The following PRKG1 variants were observed in gnomAD, a reference collection of about 807,000 sequenced individuals.
PRKG1 encodes protein kinase cGMP-dependent 1.
In PRKG1, 35 loss-of-function variants were observed where a neutral mutation model predicts 88.1. That is an observed-to-expected ratio of 0.40 (90% CI 0.30 to 0.53). The LOEUF (loss-of-function observed/expected upper bound fraction) is 0.53. PRKG1 is among the 20% of genes least tolerant of loss of function. PRKG1 has a pLI of 0.59. For synonymous variants in PRKG1, 303 were observed against 292.5 expected, an observed-to-expected ratio of 1.04 and a Z score of -0.37; for missense variants, 540 against 839.8, an observed-to-expected ratio of 0.64 and a Z score of 4.41.
intron 5 of PRKG1, among the ~76,000 whole-genome samples, chr10:52,001,482 C>CT (rs1214035610): frequency 6.6e-6 from 1 of 151,718 alleles, no homozygotes; most frequent in African/African-American, 2.4e-5. Flanking sequence ...ACATATACAA[C>CT]TTTTTTTGTC....
intron 5 of PRKG1, among the ~76,000 whole-genome samples, chr10:51,945,775 A>G (rs1171971319): frequency 1.3e-5 from 2 of 151,454 alleles, no homozygotes; most frequent in Non-Finnish European, 2.9e-5. Context: ...AGAATGTTGA[A>G]TATTGGCCCC....
At chr10:52,022,526 T>C (rs915043128) in intron 5 of PRKG1, among the ~76,000 whole-genome samples, 16 of 152,178 alleles carry the variant, frequency 1.1e-4, no homozygotes, top group Admixed American at 1.0e-3. Context: ...TTTATATTAT[T>C]ATATAGTTAC....
chr10:51,153,031 C>A (rs1846116932), intron 1 of PRKG1, 133 bp from the exon 2 acceptor site: 4 of 406,810 alleles, frequency 9.8e-6, no homozygotes, highest in Non-Finnish European at 1.1e-5. Context: ...CTCCAGTCTT[C>A]CAGAAAATTA....
chr10:51,927,678 TA>T (rs2132995281), intron 5 of PRKG1, among the ~76,000 whole-genome samples: 1 of 152,272 alleles, frequency 6.6e-6, no homozygotes, highest in Admixed American at 6.5e-5. Context: ...ACAGCAGGAA[TA>T]AATACTTCCT....
At chr10:51,630,976 G>A (rs1589146199) in intron 3 of PRKG1, among the ~76,000 whole-genome samples, 1 of 152,124 alleles carries the variant, frequency 6.6e-6, no homozygotes. Flanking sequence ...AACTCCAAAG[G>A]CTTGTCTTTT....
At chr10:51,123,124 A>T (rs1845305092) in intron 1 of PRKG1, among the ~76,000 whole-genome samples, 1 of 152,196 alleles carries the variant, frequency 6.6e-6, no homozygotes, top group East Asian at 1.9e-4. Flanking sequence ...TCCCTCTGCA[A>T]TGAATAATAC....
chr10:51,764,140 A>T (rs1564637537), intron 3 of PRKG1, among the ~76,000 whole-genome samples: 1 of 152,200 alleles, frequency 6.6e-6, no homozygotes, highest in East Asian at 1.9e-4. Context: ...TTCCTTCAGG[A>T]TTACAGGCTT....
chr10:51,596,708 A>G (rs1838458001), intron 3 of PRKG1, among the ~76,000 whole-genome samples: 1 of 152,154 alleles, frequency 6.6e-6, no homozygotes. Flanking sequence ...TTCGTTTTCT[A>G]AGTTGGAAAT....
In PRKG1 at chr10:51,812,207, G is replaced by A. The variant is rs186092060; in HGVS notation, c.698+7517G>A. ...TTATTCCTGTAGCATAAAAATCCAT[G>A]CTTAGGGATTTGACAAACTCTTGGG... On this transcript the variant is annotated intron_variant, in intron 4 of 17. Coordinates refer to ENST00000373980, the MANE Select transcript of PRKG1 (RefSeq NM_006258.4). Among the ~76,000 whole-genome samples, 95 of 152,244 alleles carry A rather than the reference G, an allele frequency of 6.2e-4. 1 individual carries two copies. The highest frequency in any genetic ancestry group is 2.3e-3 in the African/African-American group (94 of 41,558).
intron 5 of PRKG1, among the ~76,000 whole-genome samples, chr10:52,018,180 C>A (rs1422067716): frequency 6.6e-6 from 1 of 152,112 alleles, no homozygotes; most frequent in Admixed American, 6.5e-5. Flanking sequence ...CTATTAACAG[C>A]TCATAAAATG....
chr10:52,229,083 TA>T (rs1840464282), intron 9 of PRKG1, among the ~76,000 whole-genome samples: 2 of 152,280 alleles, frequency 1.3e-5, no homozygotes, highest in African/African-American at 4.8e-5. Flanking sequence ...TTTTATGTAC[TA>T]TTTTTTTTTC....
intron 1 of PRKG1, among the ~76,000 whole-genome samples, chr10:51,130,684 C>G (rs529359714): frequency 6.6e-6 from 1 of 151,926 alleles, no homozygotes; most frequent in Admixed American, 6.6e-5. Context: ...AGGTGGATCA[C>G]GAGGTCAGGA....
At chr10:51,079,695 G>GTGTA (rs1255510592) in intron 1 of PRKG1, among the ~76,000 whole-genome samples, 1 of 152,018 alleles carries the variant, frequency 6.6e-6, no homozygotes, top group Non-Finnish European at 1.5e-5. Flanking sequence ...GTGTGTGTGT[G>GTGTA]TGTGTGTGTT....
intron 2 of PRKG1, among the ~76,000 whole-genome samples, chr10:51,194,868 T>G (rs1401371148): frequency 1.3e-5 from 2 of 152,148 alleles, no homozygotes; most frequent in African/African-American, 4.8e-5. Context: ...CAAAAGTTCT[T>G]GTATAAAGAC....
At chr10:51,577,328 A>G (rs942731256) in intron 3 of PRKG1, among the ~76,000 whole-genome samples, 4 of 152,074 alleles carry the variant, frequency 2.6e-5, no homozygotes, top group African/African-American at 9.6e-5. Context: ...AAAAAGCAGT[A>G]ACTCACTAGT....
At chr10:51,632,055 C>A in intron 3 of PRKG1, among the ~76,000 whole-genome samples, 1 of 151,864 alleles carries the variant, frequency 6.6e-6, no homozygotes, top group South Asian at 2.1e-4. Flanking sequence ...TGAATGTGGC[C>A]CAACACAAAT....
rs897379474 is a variant in PRKG1 at position 52,137,780 on chromosome 10, A to G, written c.1001+3875A>G. 2.4e-4 allele frequency among the ~76,000 whole-genome samples: 36 copies of G among 152,166 alleles called. 1 individual carries two copies. The highest frequency in any genetic ancestry group is 8.2e-4 in the African/African-American group (34 of 41,452). The stretch of plus-strand genomic sequence containing the variant: ...TTTTTCAGCTAAATCTTTTTGATCT[A>G]CAGTTAGTTGAATCCACAGATACAG... On this transcript the variant is annotated intron_variant, in intron 8 of 17. Transcript: ENST00000373980.
At chr10:51,887,638 T>C (rs1300593355) in intron 4 of PRKG1, among the ~76,000 whole-genome samples, 1 of 152,246 alleles carries the variant, frequency 6.6e-6, no homozygotes, top group African/African-American at 2.4e-5. Context: ...AGGTAAGAAG[T>C]GAAATTTTGT....
At chr10:52,229,089 T>G (rs1393229823) in intron 9 of PRKG1, among the ~76,000 whole-genome samples, 1 of 152,214 alleles carries the variant, frequency 6.6e-6, no homozygotes, top group Non-Finnish European at 1.5e-5. Flanking sequence ...GTACTATTTT[T>G]TTTTCTGTTG....
Sources: allele counts gnomAD v4.1 joint callset (sites outside exome capture counted in the v4.1 genomes callset), GRCh38; gene constraint gnomAD v4.1.1; transcripts MANE v1.5; gene names NCBI Gene and HGNC (gene_info 2026-07-23, HGNC 2026-07-21).